CREBL2: variants seen among roughly 807,000 people sequenced by gnomAD.
The protein encoded by CREBL2 is cAMP responsive element binding protein like 2.
Under a neutral mutation model 19.5 loss-of-function variants are expected in CREBL2, and 4 were observed. The observed-to-expected ratio is 0.20, with a 90% CI of 0.10 to 0.47. The LOEUF (loss-of-function observed/expected upper bound fraction) is 0.47. Ranked by LOEUF, CREBL2 falls within the 20% of genes least tolerant of loss-of-function variation. CREBL2 has a pLI of 0.98. For synonymous variants in CREBL2, 42 were observed against 46.6 expected, an observed-to-expected ratio of 0.90 and a Z score of 0.40; for missense variants, 85 against 145.1, an observed-to-expected ratio of 0.59 and a Z score of 2.13.
Position 12,633,133 on chromosome 12 carries a change from C to T in CREBL2, c.16-2644C>T, listed in dbSNP as rs543632606. ...TGTATTTTTAGTAGAGAAGGGGTTTCACCATATTGGCCAGGCTGGTCTCGA... is the reference window on the plus strand; with the variant it reads ...TGTATTTTTAGTAGAGAAGGGGTTTTACCATATTGGCCAGGCTGGTCTCGA... On this transcript the variant is annotated intron_variant, in intron 1 of 3. Transcript: ENST00000228865. 1.5e-3 allele frequency among the ~76,000 whole-genome samples: 225 copies of T among 151,928 alleles called. 1 individual carries two copies. The highest frequency in any genetic ancestry group is 5.0e-3 in the African/African-American group (206 of 41,452).
chr12:12,625,731 A>G (rs1945396681), intron 1 of CREBL2, among the ~76,000 whole-genome samples: 1 of 152,182 alleles, frequency 6.6e-6, no homozygotes, highest in Non-Finnish European at 1.5e-5. Context: ...GTCTATGTAT[A>G]CACATCCCTC....
chr12:12,614,501 AC>A (rs1362677727), intron 1 of CREBL2: 1 of 129,992 alleles, frequency 7.7e-6, no homozygotes, highest in Non-Finnish European at 1.6e-5. Flanking sequence ...AGGGTCTTGC[AC>A]TGTTGCCCAG....
chr12:12,624,173 G>C (rs1945382579), intron 1 of CREBL2, among the ~76,000 whole-genome samples: 1 of 152,176 alleles, frequency 6.6e-6, no homozygotes, highest in Non-Finnish European at 1.5e-5. Flanking sequence ...CTGAGCCAGA[G>C]GTCTTTTCTT....
chr12:12,619,021 A>T (rs890370450), intron 1 of CREBL2, among the ~76,000 whole-genome samples: 11 of 151,898 alleles, frequency 7.2e-5, no homozygotes, highest in Non-Finnish European at 1.5e-4. Flanking sequence ...CATCAGAGGG[A>T]GACCGTGGAA....
At chr12:12,614,884 G>A (rs534393775) in intron 1 of CREBL2, 1 of 201,772 alleles carries the variant, frequency 5.0e-6, no homozygotes, top group East Asian at 1.5e-4. Flanking sequence ...TTGAGATGGA[G>A]TCTCTCTCTG....
intron 1 of CREBL2, among the ~76,000 whole-genome samples, chr12:12,624,015 G>C (rs1208372873): frequency 6.6e-6 from 1 of 152,200 alleles, no homozygotes; most frequent in Non-Finnish European, 1.5e-5. Context: ...GACCTCCAGA[G>C]GGAATGCAGC....
At chr12:12,616,773 T>G (rs1351010647) in intron 1 of CREBL2, among the ~76,000 whole-genome samples, 1 of 152,164 alleles carries the variant, frequency 6.6e-6, no homozygotes. Context: ...TCTGTATGAG[T>G]CACACTCTCT....
chr12:12,619,119 T>C (rs1310521857), intron 1 of CREBL2, among the ~76,000 whole-genome samples: 1 of 151,860 alleles, frequency 6.6e-6, no homozygotes, highest in Non-Finnish European at 1.5e-5. Flanking sequence ...TAGTAATTCT[T>C]AAGTATATGC....
intron 1 of CREBL2, among the ~76,000 whole-genome samples, chr12:12,618,391 T>TG (rs1294378483): frequency 1.3e-5 from 2 of 149,396 alleles, no homozygotes; most frequent in African/African-American, 5.0e-5. Flanking sequence ...AGATCCCAGA[T>TG]GGGGTCATGG....
chr12:12,636,879 A>G (rs1409889594), intron 2 of CREBL2, among the ~76,000 whole-genome samples: 2 of 152,352 alleles, frequency 1.3e-5, no homozygotes, highest in Admixed American at 1.3e-4. Context: ...TATTACTGTG[A>G]TCATTACACA....
At chr12:12,635,428 ATCTC>A (rs1945467610) in intron 1 of CREBL2, among the ~76,000 whole-genome samples, 1 of 151,712 alleles carries the variant, frequency 6.6e-6, no homozygotes, top group Non-Finnish European at 1.5e-5. Flanking sequence ...TTTCTTATCT[ATCTC>A]CATATGGTTT....
At chr12:12,629,215 T>C (rs1380224937) in intron 1 of CREBL2, among the ~76,000 whole-genome samples, 5 of 152,234 alleles carry the variant, frequency 3.3e-5, no homozygotes, top group Non-Finnish European at 5.9e-5. Flanking sequence ...GGAGTATTCC[T>C]TTCTTAATAA....
intron 1 of CREBL2, among the ~76,000 whole-genome samples, chr12:12,617,718 G>C (rs1201746667): frequency 7.9e-6 from 1 of 126,314 alleles, no homozygotes; most frequent in African/African-American, 2.8e-5. Flanking sequence ...TTCTCAGAGA[G>C]GGGGATTTGG....
intron 1 of CREBL2, among the ~76,000 whole-genome samples, chr12:12,630,491 A>T (rs1271227977): frequency 6.6e-6 from 1 of 151,950 alleles, no homozygotes; most frequent in Middle Eastern, 3.2e-3. Context: ...TTCTTTCTCT[A>T]ATGGTCCGTC....
At chr12:12,620,002 T>A (rs1480196503) in intron 1 of CREBL2, among the ~76,000 whole-genome samples, 1 of 152,200 alleles carries the variant, frequency 6.6e-6, no homozygotes, top group Non-Finnish European at 1.5e-5. Context: ...AAAATTTTAA[T>A]TTGGCAAAAA....
At chr12:12,626,874 AAAAAAAAAG>A (rs2136302938) in intron 1 of CREBL2, among the ~76,000 whole-genome samples, 1 of 150,630 alleles carries the variant, frequency 6.6e-6, no homozygotes, top group East Asian at 1.9e-4. Flanking sequence ...TGTTTCTTAA[AAAAAAAAAG>A]AAAAGAAAAG....
chr12:12,636,805 A>G (rs1160259655), intron 2 of CREBL2, among the ~76,000 whole-genome samples: 2 of 152,238 alleles, frequency 1.3e-5, no homozygotes, highest in East Asian at 3.8e-4. Context: ...AAGAGAGTAG[A>G]TAAAACAGAA....
chr12:12,622,216 T>C (rs899706920), intron 1 of CREBL2, among the ~76,000 whole-genome samples: 2 of 152,224 alleles, frequency 1.3e-5, no homozygotes, highest in South Asian at 2.1e-4. Context: ...TCCTGGTCTT[T>C]TTTGAATTCT....
At chr12:12,616,954 G>GT (rs1202827321) in intron 1 of CREBL2, among the ~76,000 whole-genome samples, 1 of 152,208 alleles carries the variant, frequency 6.6e-6, no homozygotes, top group Non-Finnish European at 1.5e-5. Context: ...ATTTGAGTGA[G>GT]TAGGTCAGGA....
Sources: gnomAD v4.1 joint callset for allele counts (sites outside exome capture counted in the v4.1 genomes callset) on GRCh38, gnomAD v4.1.1 for gene constraint, MANE v1.5 for transcripts, NCBI Gene and HGNC (gene_info 2026-07-23, HGNC 2026-07-21) for gene names.